The following PPP1R12B variants were observed in gnomAD, a reference collection of about 807,000 sequenced individuals.
PPP1R12B encodes protein phosphatase 1 regulatory subunit 12B.
PPP1R12B carries 76 observed loss-of-function variants against 126.1 expected under a neutral mutation model. The observed-to-expected ratio is 0.60, with a 90% CI of 0.50 to 0.73. PPP1R12B has a LOEUF of 0.73. PPP1R12B is among the 30% of genes least tolerant of loss of function. The pLI is 0.00. For synonymous variants in PPP1R12B, 356 were observed against 434.7 expected (o/e 0.82, Z 2.25); for missense variants, 1,052 against 1,205.1 (o/e 0.87, Z 1.88).
At position 202,508,546 on chromosome 1, in the gene PPP1R12B, G is replaced by A. The variant is rs1681075734; in HGVS notation, c.2490+11724G>A. Among the ~76,000 whole-genome samples the A allele has an allele frequency of 6.6e-6, 1 of 152,154 alleles. No homozygotes were observed. Among genetic ancestry groups the A allele is most frequent in the Admixed American group, 6.5e-5 (1 of 15,276 alleles). ...TGAAAAATTTTTTCAGGAAACAGAA[G>A]CATTTTAAAGGCAAACAACATGTTT... On this transcript the variant is annotated intron_variant, in intron 18 of 23. Transcript: ENST00000608999. The surrounding 1 kb of genome is among the most constrained non-coding windows in gnomAD (Gnocchi z 4.5).
chr1:202,392,633 C>T (rs748527453), intron 1 of PPP1R12B, among the ~76,000 whole-genome samples: 1 of 151,658 alleles, frequency 6.6e-6, no homozygotes, highest in East Asian at 1.9e-4. Context: ...GTGATGCTCC[C>T]ACCCCAGACT....
At chr1:202,520,084 A>T (rs1211478396) in intron 18 of PPP1R12B, among the ~76,000 whole-genome samples, 1 of 152,176 alleles carries the variant, frequency 6.6e-6, no homozygotes, top group Middle Eastern at 3.2e-3. Context: ...TACCTGGCAG[A>T]TTATTTCTGA....
intron 1 of PPP1R12B, among the ~76,000 whole-genome samples, chr1:202,389,387 G>C (rs570204600): frequency 6.6e-6 from 1 of 151,956 alleles, no homozygotes; most frequent in Non-Finnish European, 1.5e-5. Flanking sequence ...GCTCATGCCT[G>C]TAATCCCAGC....
At chr1:202,461,694 G>A (rs559534133) in intron 13 of PPP1R12B, among the ~76,000 whole-genome samples, 5 of 152,212 alleles carry the variant, frequency 3.3e-5, no homozygotes, top group African/African-American at 9.6e-5. Flanking sequence ...TGCCTCTGAT[G>A]TCCTTACCAA....
At chr1:202,399,253 T>C (rs1665447496) in intron 1 of PPP1R12B, among the ~76,000 whole-genome samples, 1 of 152,166 alleles carries the variant, frequency 6.6e-6, no homozygotes, top group Admixed American at 6.6e-5. Context: ...AGGGTCTCGC[T>C]CTGTCACCTA....
At chr1:202,477,513 A>C (rs1403361494) in intron 13 of PPP1R12B, among the ~76,000 whole-genome samples, 1 of 152,086 alleles carries the variant, frequency 6.6e-6, no homozygotes, top group Non-Finnish European at 1.5e-5. Context: ...GTGACTTTTA[A>C]AATATTCACT....
At chr1:202,405,850 T>A (rs1220249658) in intron 1 of PPP1R12B, among the ~76,000 whole-genome samples, 1 of 152,208 alleles carries the variant, frequency 6.6e-6, no homozygotes, top group East Asian at 1.9e-4. Flanking sequence ...ACAATAAGTG[T>A]TATGGACTAA....
chr1:202,513,502 A>ATG (rs1489086274), intron 18 of PPP1R12B, among the ~76,000 whole-genome samples: 2 of 152,200 alleles, frequency 1.3e-5, no homozygotes, highest in Non-Finnish European at 2.9e-5. Flanking sequence ...AAGAAAGTAA[A>ATG]TGTCCTATAG....
intron 1 of PPP1R12B, among the ~76,000 whole-genome samples, chr1:202,399,919 A>G (rs1665576975): frequency 6.6e-6 from 1 of 152,010 alleles, no homozygotes; most frequent in Non-Finnish European, 1.5e-5. Context: ...TGTGATGCTG[A>G]AGTTTGGGGT....
intron 1 of PPP1R12B, among the ~76,000 whole-genome samples, chr1:202,368,708 A>T (rs1410304033): frequency 6.6e-6 from 1 of 151,836 alleles, no homozygotes; most frequent in Non-Finnish European, 1.5e-5. Context: ...TATATAAGCC[A>T]TATAAAATGC....
Position 202,588,663 on chromosome 1 carries a change from C to T in PPP1R12B, c.*8103C>T, listed in dbSNP as rs1244623832. 6.6e-6 allele frequency: 1 copy of T among 152,068 alleles called. No individual in the cohort carries two copies. Among genetic ancestry groups the T allele is most frequent in the Admixed American group, 6.6e-5 (1 of 15,258 alleles). The allele number at this position is 152,068 out of a possible 1,614,324, so 9.4% of individuals were successfully genotyped here. A position where few individuals can be genotyped will look rare whatever the true frequency, so the allele number is the denominator to read the frequency against. ...TACATCTTATCATTGGTGGGGGCCT[C>T]GCCCACCAGCCTCCTACAACTCCTG... On this transcript the variant is annotated 3_prime_UTR_variant, in exon 24 of 24. Coordinates refer to ENST00000608999, the MANE Select transcript of PPP1R12B (RefSeq NM_002481.4).
At chr1:202,365,447 A>AT (rs1231409888) in intron 1 of PPP1R12B, among the ~76,000 whole-genome samples, 1 of 152,180 alleles carries the variant, frequency 6.6e-6, no homozygotes, top group Non-Finnish European at 1.5e-5. Flanking sequence ...AAAAAAAAAA[A>AT]GTAATTTTTA....
intron 23 of PPP1R12B, chr1:202,575,095 C>T (rs770347279): frequency 1.9e-6 from 3 of 1,613,824 alleles, no homozygotes; most frequent in Non-Finnish European, 2.5e-6. Context: ...GGTGGCCAGA[C>T]TCTCGGAGTC....
In PPP1R12B at chr1:202,591,776, C is replaced by T. The variant is rs1355809405; in HGVS notation, c.*11216C>T. On this transcript the variant is annotated 3_prime_UTR_variant, in exon 24 of 24. Transcript: ENST00000608999. ...AGTAAGCAGGGATGGTTCTGTCATC[C>T]CTGGCTGAGCTGCTGACTGGCTGCT... The T allele has an allele frequency of 6.5e-6, 1 of 152,770 alleles. No homozygotes were observed. The allele number at this position is 152,770 out of a possible 1,614,324, so 9.5% of individuals were successfully genotyped here. A position where few individuals can be genotyped will look rare whatever the true frequency, so the allele number is the denominator to read the frequency against.
intron 5 of PPP1R12B, among the ~76,000 whole-genome samples, chr1:202,427,691 C>T (rs1669714509): frequency 6.6e-6 from 1 of 152,150 alleles, no homozygotes; most frequent in South Asian, 2.1e-4. Context: ...GTTGCCCAGG[C>T]TGGAGTGCAG....
At chr1:202,488,028 G>A (rs1280845016) in intron 13 of PPP1R12B, among the ~76,000 whole-genome samples, 3 of 152,158 alleles carry the variant, frequency 2.0e-5, no homozygotes, top group African/African-American at 7.2e-5. Context: ...CACAGTAAGA[G>A]ATTAACAATA....
chr1:202,490,448 A>C (rs537882494), intron 14 of PPP1R12B, among the ~76,000 whole-genome samples: 7 of 152,218 alleles, frequency 4.6e-5, no homozygotes, highest in Non-Finnish European at 1.0e-4. Flanking sequence ...GAGGACCAAG[A>C]CTGTTTTTTT....
chr1:202,497,845 C>T (rs1406072748), intron 18 of PPP1R12B, among the ~76,000 whole-genome samples: 1 of 152,132 alleles, frequency 6.6e-6, no homozygotes, highest in Non-Finnish European at 1.5e-5. Flanking sequence ...TTAGTTTCTT[C>T]AAGGGGCTTG....
chr1:202,583,774 C>A lies in PPP1R12B; in HGVS notation c.*3214C>A, dbSNP rs1689671781. The A allele has an allele frequency of 6.6e-6, 1 of 152,200 alleles. No homozygotes were observed. The highest frequency in any genetic ancestry group is 1.5e-5 in the Non-Finnish European group (1 of 68,046). 9.4% of individuals were successfully genotyped at this position (152,200 alleles called of 1,614,324 possible). On this transcript the variant is annotated 3_prime_UTR_variant, in exon 24 of 24. Coordinates refer to ENST00000608999, the MANE Select transcript of PPP1R12B (RefSeq NM_002481.4). ...CTGCTGGTTTGGAGACTCATGAGCACCCCAGGCAGCTCAAGCTGAATAAAT... is the reference window on the plus strand; with the variant it reads ...CTGCTGGTTTGGAGACTCATGAGCAACCCAGGCAGCTCAAGCTGAATAAAT...
Sources: gnomAD v4.1 joint callset for allele counts (sites outside exome capture counted in the v4.1 genomes callset) on GRCh38, gnomAD v4.1.1 for gene constraint, Gnocchi (gnomAD v3.1) non-coding constraint, MANE v1.5 for transcripts, NCBI Gene and HGNC (gene_info 2026-07-23, HGNC 2026-07-21) for gene names.